LONRF3: variants seen among roughly 807,000 people sequenced by gnomAD.
LONRF3 encodes LON peptidase N-terminal domain and ring finger 3.
A neutral mutation model predicts 51.7 loss-of-function variants in LONRF3; 19 were observed. The ratio of observed to expected loss-of-function variants is 0.37; its 90% CI spans 0.26 to 0.54. LONRF3 has a LOEUF of 0.54. LONRF3 is among the 20% of genes least tolerant of loss of function. The probability of loss-of-function intolerance (pLI) is 0.86; values close to 1 mark genes in which losing one functional copy is unlikely to be tolerated. For synonymous variants in LONRF3, 265 were observed against 257.8 expected, an observed-to-expected ratio of 1.03 and a Z score of -0.27; for missense variants, 521 against 623.9, an observed-to-expected ratio of 0.84 and a Z score of 1.76.
At chrX:119,017,267 G>C (rs938688300) in intron 10 of LONRF3, among the ~76,000 whole-genome samples, 3 of 111,924 alleles carry the variant, frequency 2.7e-5, no homozygotes, top group African/African-American at 9.8e-5. Flanking sequence ...TGACCAAGAG[G>C]TTACACATAT....
intron 2 of LONRF3, among the ~76,000 whole-genome samples, chrX:118,980,063 A>G (rs1922439201): frequency 1.8e-5 from 2 of 112,339 alleles, no homozygotes; most frequent in Admixed American, 9.4e-5. Flanking sequence ...TTGCCTCGCA[A>G]TGATGCAATG....
intron 3 of LONRF3, among the ~76,000 whole-genome samples, chrX:118,987,716 T>C (rs1195944615): frequency 9.1e-6 from 1 of 110,303 alleles, no homozygotes; most frequent in Non-Finnish European, 1.9e-5. Flanking sequence ...AATCCCTCCT[T>C]TCGAGCTTTT....
At chrX:118,986,622 G>A (rs139152489) in intron 3 of LONRF3, among the ~76,000 whole-genome samples, 2,785 of 112,346 alleles carry the variant, frequency 0.025, 34 homozygotes, top group Middle Eastern at 0.046. Flanking sequence ...TCTTAACCTT[G>A]GCTAGGCAAC....
intron 5 of LONRF3, among the ~76,000 whole-genome samples, chrX:119,000,316 C>T (rs558959753): frequency 6.2e-5 from 7 of 112,165 alleles, no homozygotes; most frequent in African/African-American, 2.3e-4. Flanking sequence ...TTTGTATACA[C>T]GGATTCTAGA....
At chrX:119,010,237 G>C (rs1466676334) in intron 7 of LONRF3, among the ~76,000 whole-genome samples, 1 of 111,959 alleles carries the variant, frequency 8.9e-6, no homozygotes, top group East Asian at 2.8e-4. Flanking sequence ...ACTCTGCCTG[G>C]CTGTAAGAAC....
chrX:118,994,280 C>G (rs1430067059), intron 5 of LONRF3, among the ~76,000 whole-genome samples: 1 of 111,697 alleles, frequency 9.0e-6, no homozygotes, highest in African/African-American at 3.3e-5. Flanking sequence ...CATCTGCTGC[C>G]TTCAGGACAC....
chrX:118,997,328 G>A (rs955272055), intron 5 of LONRF3, among the ~76,000 whole-genome samples: 1 of 111,812 alleles, frequency 8.9e-6, no homozygotes, highest in East Asian at 2.8e-4. Flanking sequence ...AATACTTACA[G>A]CCAACTGATC....
chrX:118,986,055 C>CACAA (rs1257674961), intron 3 of LONRF3, among the ~76,000 whole-genome samples: 7 of 7,480 alleles, frequency 9.4e-4, no homozygotes, highest in African/African-American at 3.2e-3. Context: ...TATGGAAACA[C>CACAA]ACACACACAC....
At chrX:119,012,389 T>C (rs1925170390) in intron 8 of LONRF3, among the ~76,000 whole-genome samples, 1 of 110,763 alleles carries the variant, frequency 9.0e-6, no homozygotes, top group African/African-American at 3.3e-5. Flanking sequence ...GGTGAGTTAA[T>C]AATGTACATA....
At chrX:119,002,330 C>T (rs964223609) in intron 5 of LONRF3, among the ~76,000 whole-genome samples, 2 of 111,875 alleles carry the variant, frequency 1.8e-5, no homozygotes, top group African/African-American at 6.5e-5. Context: ...TGTATCTAGG[C>T]GATGCAATCT....
intron 6 of LONRF3, among the ~76,000 whole-genome samples, chrX:119,006,834 C>T (rs755518534): frequency 1.9e-3 from 214 of 111,176 alleles, no homozygotes; most frequent in African/African-American, 6.7e-3. Flanking sequence ...ATGATCCACC[C>T]GCCTCGGCCT....
intron 3 of LONRF3, among the ~76,000 whole-genome samples, chrX:118,988,084 G>A (rs1923142319): frequency 1.8e-5 from 2 of 111,292 alleles, no homozygotes; most frequent in Admixed American, 1.9e-4. Flanking sequence ...TTAGGGGGCA[G>A]TTTTCCCTCC....
At chrX:119,011,196 C>T (rs780471162) in intron 7 of LONRF3, among the ~76,000 whole-genome samples, 1 of 110,874 alleles carries the variant, frequency 9.0e-6, no homozygotes, top group African/African-American at 3.3e-5. Flanking sequence ...AATGTGGTGT[C>T]CAAGTCATCT....
chrX:119,006,482 C>G (rs1221010885), intron 6 of LONRF3, among the ~76,000 whole-genome samples: 1 of 107,697 alleles, frequency 9.3e-6, no homozygotes, highest in Non-Finnish European at 1.9e-5. Context: ...GTCACTGCAA[C>G]CTCCGCCTCC....
intron 8 of LONRF3, 105 bp downstream of exon 8, chrX:119,012,078 G>A (rs1488351937): frequency 7.5e-6 from 6 of 796,924 alleles, no homozygotes; most frequent in Non-Finnish European, 1.1e-5. Flanking sequence ...ATGAGGTTTA[G>A]CCAACTGAAG....
chrX:118,975,403 G>A lies in LONRF3; in HGVS notation c.623G>A (p.Arg208Gln). ...TCCGCCTTGATGGTGGCCACTGGGC[G>A]GGCGCGTGGAGCCCGGCGGGCTGGG... ...KLSALMVATG[R>Q]ARGARRAGQQ... Residue 208 changes from arginine to glutamine, a missense_variant, in exon 1 of 11, where the codon CGG becomes CAG. Coordinates refer to ENST00000371628, the MANE Select transcript of LONRF3 (RefSeq NM_001031855.3). 8.3e-7 allele frequency: 1 copy of A among 1,200,889 alleles called. No homozygotes were observed. Among genetic ancestry groups the A allele is most frequent in the Admixed American group, 2.2e-5 (1 of 45,064 alleles).
At chrX:118,998,543 G>C (rs1011873431) in intron 5 of LONRF3, among the ~76,000 whole-genome samples, 1 of 110,979 alleles carries the variant, frequency 9.0e-6, no homozygotes, top group East Asian at 2.8e-4. Context: ...CAAAATCTCA[G>C]AAATCACCAC....
intron 3 of LONRF3, among the ~76,000 whole-genome samples, chrX:118,986,051 AACACACAC>A (rs35356301): frequency 0.27 from 22,757 of 83,514 alleles, 2,724 homozygotes; most frequent in Middle Eastern, 0.35. Flanking sequence ...AGTATATGGA[AACACACAC>A]ACACACACAC....
chrX:118,993,671 C>T (rs1242983248), intron 5 of LONRF3, among the ~76,000 whole-genome samples: 1 of 111,478 alleles, frequency 9.0e-6, no homozygotes, highest in Non-Finnish European at 1.9e-5. Flanking sequence ...ACAAGAAGCA[C>T]AAAGAACACC....
Sources: allele counts gnomAD v4.1 joint callset (sites outside exome capture counted in the v4.1 genomes callset), GRCh38; gene constraint gnomAD v4.1.1; transcripts MANE v1.5; gene names NCBI Gene and HGNC (gene_info 2026-07-23, HGNC 2026-07-21).